The following ERBB4 variants were observed in gnomAD, a reference collection of about 807,000 sequenced individuals.
ERBB4 encodes erb-b2 receptor tyrosine kinase 4.
ERBB4 carries 42 observed loss-of-function variants against 158.0 expected under a neutral mutation model. That is an observed-to-expected ratio of 0.27 (90% CI 0.21 to 0.34). ERBB4 has a LOEUF of 0.34. ERBB4 is among the 10% of genes least tolerant of loss of function. The pLI, the probability that ERBB4 is intolerant of heterozygous loss-of-function variation, is 1.00. For missense variants in ERBB4, 1,333 were observed against 1,624.1 expected (o/e 0.82, Z 3.08); for synonymous variants, 583 against 558.7 (o/e 1.04, Z -0.61).
intron 20 of ERBB4, among the ~76,000 whole-genome samples, chr2:211,470,273 C>T (rs1436727557): frequency 6.6e-6 from 1 of 152,064 alleles, no homozygotes. Flanking sequence ...AATATGGCTA[C>T]ATTCTTAAAA....
intron 19 of ERBB4, among the ~76,000 whole-genome samples, chr2:211,600,365 A>G (rs1284208775): frequency 2.0e-5 from 3 of 152,204 alleles, no homozygotes; most frequent in Non-Finnish European, 4.4e-5. Flanking sequence ...TGAAAAAATG[A>G]CAACAGATCT....
At chr2:211,847,340 T>C (rs1409509859) in intron 3 of ERBB4, among the ~76,000 whole-genome samples, 2 of 152,140 alleles carry the variant, frequency 1.3e-5, no homozygotes. Flanking sequence ...AACCAACAAG[T>C]AGTTACTACA....
chr2:211,462,707 T>C (rs11695594), intron 20 of ERBB4, among the ~76,000 whole-genome samples: 90,622 of 152,052 alleles, frequency 0.6, 28,752 homozygotes, highest in Middle Eastern at 0.69. Context: ...CAAATGCTAA[T>C]TGCAATTCCA....
chr2:212,532,410 A>C (rs1692802532), intron 1 of ERBB4, among the ~76,000 whole-genome samples: 1 of 152,234 alleles, frequency 6.6e-6, no homozygotes, highest in Non-Finnish European at 1.5e-5. Context: ...GCTGTTTTAG[A>C]AACTAGGGCT....
chr2:212,191,849 A>C (rs1426749495), intron 1 of ERBB4, among the ~76,000 whole-genome samples: 4 of 131,666 alleles, frequency 3.0e-5, no homozygotes, highest in African/African-American at 8.5e-5. Context: ...AATACATGTT[A>C]TATATGTTCT....
At chr2:211,772,520 G>C (rs1002909760) in intron 4 of ERBB4, among the ~76,000 whole-genome samples, 3 of 151,990 alleles carry the variant, frequency 2.0e-5, no homozygotes, top group African/African-American at 7.2e-5. Context: ...AACGTGGTCA[G>C]AGGGTCTCAG....
chr2:212,316,070 C>T (rs188662680), intron 1 of ERBB4, among the ~76,000 whole-genome samples: 3 of 151,554 alleles, frequency 2.0e-5, no homozygotes, highest in Admixed American at 6.6e-5. Flanking sequence ...TGACCAGAAG[C>T]ATAAATAGCA....
At chr2:212,276,877 T>C (rs2085557948) in intron 1 of ERBB4, among the ~76,000 whole-genome samples, 2 of 151,804 alleles carry the variant, frequency 1.3e-5, no homozygotes, top group South Asian at 2.1e-4. Context: ...AAAGGGCCAA[T>C]GTTGTGGAAC....
At position 212,512,007 on chromosome 2, in the gene ERBB4, C is replaced by T. The variant is rs114262584; in HGVS notation, c.82+26442G>A. ...TTTCATTAGAGAGTTTCTCTGGAAG[C>T]CTGCCAGATTTCCCCTTTCATTGAT... On this transcript the variant is annotated intron_variant, in intron 1 of 27. Coordinates refer to ENST00000342788, the MANE Select transcript of ERBB4 (RefSeq NM_005235.3). Among the ~76,000 whole-genome samples, 1,047 of 152,208 alleles carry T rather than the reference C, an allele frequency of 6.9e-3. 8 individuals are homozygous for T. Among genetic ancestry groups the T allele is most frequent in the Non-Finnish European group, 0.012 (806 of 68,012 alleles).
At chr2:212,004,948 C>T (rs1434822092) in intron 2 of ERBB4, among the ~76,000 whole-genome samples, 4 of 152,012 alleles carry the variant, frequency 2.6e-5, no homozygotes, top group African/African-American at 4.8e-5. Context: ...TACCTTTCCC[C>T]CTATTTCTCA....
chr2:211,400,473 T>G (rs923540890), intron 25 of ERBB4, among the ~76,000 whole-genome samples: 5 of 152,142 alleles, frequency 3.3e-5, no homozygotes, highest in Non-Finnish European at 5.9e-5. Flanking sequence ...GTAGAGGTTA[T>G]TTTGCAAACT....
intron 19 of ERBB4, 114 bp from the exon 20 acceptor site, chr2:211,562,202 G>T: frequency 1.2e-6 from 1 of 821,460 alleles, no homozygotes; most frequent in Non-Finnish European, 2.0e-6. Flanking sequence ...TTACTCAATG[G>T]AATCAATCAA....
At chr2:211,468,739 C>T (rs2125520628) in intron 20 of ERBB4, among the ~76,000 whole-genome samples, 2 of 152,130 alleles carry the variant, frequency 1.3e-5, no homozygotes, top group African/African-American at 4.8e-5. Flanking sequence ...CTACTTTACA[C>T]CTCCAACAAA....
intron 20 of ERBB4, among the ~76,000 whole-genome samples, chr2:211,480,332 CATTGGG>C (rs2065051461): frequency 6.6e-6 from 1 of 152,110 alleles, no homozygotes; most frequent in Non-Finnish European, 1.5e-5. Flanking sequence ...TAATCCACGG[CATTGGG>C]AGAGGGACCT....
At chr2:212,377,220 T>C (rs974521468) in intron 1 of ERBB4, among the ~76,000 whole-genome samples, 5 of 148,052 alleles carry the variant, frequency 3.4e-5, no homozygotes, top group African/African-American at 1.2e-4. Flanking sequence ...TATATGAATA[T>C]ATATAAAATA....
rs546203251 is a variant in ERBB4, at chr2:211,829,961, C to T, written c.422-41802G>A. Reference sequence around the variant, plus strand: ...TATGACTGCTACTCCAATCACATTACTTGGAGTGAATATAACCCCCATCCC... The same window carrying T: ...TATGACTGCTACTCCAATCACATTATTTGGAGTGAATATAACCCCCATCCC... On this transcript the variant is annotated intron_variant, in intron 3 of 27. Transcript: ENST00000342788. Among the ~76,000 whole-genome samples the T allele has an allele frequency of 3.9e-5, 6 of 152,278 alleles. No individual in the cohort carries two copies. In the South Asian group the frequency reaches 6.2e-4, roughly 16 times the overall value.
chr2:211,650,479 C>A (rs984571072), intron 16 of ERBB4, among the ~76,000 whole-genome samples: 2 of 151,982 alleles, frequency 1.3e-5, no homozygotes, highest in Admixed American at 6.6e-5. Context: ...TATAAATATA[C>A]AGGTATATGC....
intron 1 of ERBB4, among the ~76,000 whole-genome samples, chr2:212,317,383 A>T (rs374160381): frequency 1.5e-4 from 22 of 151,530 alleles, no homozygotes; most frequent in East Asian, 9.8e-4. Flanking sequence ...CCTAAATTCC[A>T]GTCATCACCT....
intron 3 of ERBB4, among the ~76,000 whole-genome samples, chr2:211,872,702 T>C (rs1486034840): frequency 6.6e-6 from 1 of 152,168 alleles, no homozygotes; most frequent in Non-Finnish European, 1.5e-5. Context: ...GTTGTGCATT[T>C]ATTTTCCAGT....
Sources: allele counts gnomAD v4.1 joint callset (sites outside exome capture counted in the v4.1 genomes callset), GRCh38; gene constraint gnomAD v4.1.1; transcripts MANE v1.5; gene names NCBI Gene and HGNC (gene_info 2026-07-23, HGNC 2026-07-21).